The following PLA2R1 variants were observed in gnomAD, a reference collection of about 807,000 sequenced individuals.
PLA2R1 encodes secretory phospholipase A2 receptor.
PLA2R1 carries 158 observed loss-of-function variants against 195.9 expected under a neutral mutation model. The observed-to-expected ratio is 0.81, with a 90% CI of 0.71 to 0.92. PLA2R1 has a LOEUF of 0.92. PLA2R1 is among the 40% of genes least tolerant of loss of function. The pLI is 0.00. For missense variants in PLA2R1, 1,626 were observed against 1,764.6 expected (o/e 0.92, Z 1.41); for synonymous variants, 586 against 598.2 (o/e 0.98, Z 0.30).
Position 159,936,118 on chromosome 2 carries a change from A to G in PLA2R1, c.*5660T>C, listed in dbSNP as rs1236593415. The G allele has an allele frequency of 6.6e-6, 1 of 151,640 alleles. No homozygotes were observed. Among genetic ancestry groups the G allele is most frequent in the Admixed American group, 6.6e-5 (1 of 15,212 alleles). 9.4% of individuals were successfully genotyped at this position (151,640 alleles called of 1,614,324 possible). A position where few individuals can be genotyped will look rare whatever the true frequency, so the allele number is the denominator to read the frequency against. On this transcript the variant is annotated 3_prime_UTR_variant, in exon 30 of 30. Coordinates refer to ENST00000283243, the MANE Select transcript of PLA2R1 (RefSeq NM_007366.5). ...AGGCACCCGCCGCAACACACAGCTA[A>G]TTTTTTTGTATTTTTAGTAGAGACG...
At chr2:159,927,908 G>T (rs1443858443), downstream of PLA2R1, among the ~76,000 whole-genome samples, 2 of 152,158 alleles carry the variant, frequency 1.3e-5, no homozygotes, top group African/African-American at 4.8e-5. Flanking sequence ...TGAAATCAAA[G>T]AATATTTCTA....
intron 1 of PLA2R1, among the ~76,000 whole-genome samples, chr2:160,058,439 T>C (rs1320588230): frequency 6.6e-6 from 1 of 152,128 alleles, no homozygotes; most frequent in Non-Finnish European, 1.5e-5. Context: ...CTTAGGTTCT[T>C]TCCACTCCTG....
At chr2:160,052,858 G>A (rs990484029) in intron 1 of PLA2R1, among the ~76,000 whole-genome samples, 2 of 152,132 alleles carry the variant, frequency 1.3e-5, no homozygotes, top group Non-Finnish European at 2.9e-5. Flanking sequence ...CATCTTAGCC[G>A]CCTTGGGAGT....
intron 4 of PLA2R1, among the ~76,000 whole-genome samples, chr2:160,030,407 G>A (rs1318808683): frequency 6.6e-6 from 1 of 152,194 alleles, no homozygotes; most frequent in East Asian, 1.9e-4. Context: ...GAAGTGAAAT[G>A]GATTGACAGG....
intron 1 of PLA2R1, among the ~76,000 whole-genome samples, chr2:160,052,473 T>C (rs1695271588): frequency 6.6e-6 from 1 of 152,264 alleles, no homozygotes; most frequent in South Asian, 2.1e-4. Context: ...TTGAAAACAT[T>C]TTTCTTCCTT....
At chr2:159,977,461 C>T (rs1689651371) in intron 14 of PLA2R1, 45 bp from the exon 15 acceptor site, 1 of 1,593,274 alleles carries the variant, frequency 6.3e-7, no homozygotes, top group African/African-American at 1.3e-5. Context: ...GATCCCCCCA[C>T]AAAGTTTCAA....
At chr2:160,045,697 T>G (rs1251882816) in intron 1 of PLA2R1, among the ~76,000 whole-genome samples, 1 of 152,198 alleles carries the variant, frequency 6.6e-6, no homozygotes, top group Non-Finnish European at 1.5e-5. Flanking sequence ...GATTCAATAC[T>G]GGTCAGAATA....
Position 160,016,550 on chromosome 2 carries a change from T to C in PLA2R1, c.1551+64A>G, listed in dbSNP as rs16844686. 4.1e-3 allele frequency: 3,155 copies of C among 772,008 alleles called. 74 individuals carry two copies. In the African/African-American group the frequency reaches 0.046, roughly 11 times the overall value. 47.8% of individuals were successfully genotyped at this position (772,008 alleles called of 1,614,324 possible). On this transcript the variant is annotated intron_variant, in intron 9 of 29. Coordinates refer to ENST00000283243, the MANE Select transcript of PLA2R1 (RefSeq NM_007366.5). ...GAAAGAGAAATTCACTTCAAATTGA[T>C]GGTGGAATTGATATTCTAGCTATGA...
intron 10 of PLA2R1, among the ~76,000 whole-genome samples, chr2:160,009,982 T>C (rs960913089): frequency 3.1e-4 from 47 of 152,032 alleles, no homozygotes; most frequent in African/African-American, 9.9e-4. Flanking sequence ...TGGTGGTACA[T>C]GCCTGTAGTC....
chr2:160,050,392 T>G (rs1222711138), intron 1 of PLA2R1, among the ~76,000 whole-genome samples: 1 of 152,026 alleles, frequency 6.6e-6, no homozygotes, highest in Non-Finnish European at 1.5e-5. Flanking sequence ...AACCGTGAAC[T>G]TCAGAGCTGG....
intron 3 of PLA2R1, among the ~76,000 whole-genome samples, chr2:160,039,785 C>T (rs576579967): frequency 1.3e-5 from 2 of 152,072 alleles, no homozygotes; most frequent in East Asian, 3.9e-4. Flanking sequence ...GGCAGGCTGT[C>T]AAGCAGAGGA....
chr2:160,007,878 T>C (rs1028691773), intron 10 of PLA2R1, among the ~76,000 whole-genome samples: 1 of 152,212 alleles, frequency 6.6e-6, no homozygotes, highest in African/African-American at 2.4e-5. Context: ...TTTTCAAAAA[T>C]AGAAAAGTTC....
At chr2:160,013,703 GTCTCTCTCTCTCTC>G (rs879130648) in intron 9 of PLA2R1, among the ~76,000 whole-genome samples, 1,218 of 96,206 alleles carry the variant, frequency 0.013, 16 homozygotes, top group African/African-American at 0.032. Context: ...CTCTCTCTCT[GTCTCTCTCTCTCTC>G]TCTCTGTGTG....
At chr2:160,018,602 A>G (rs1692912258) in intron 8 of PLA2R1, among the ~76,000 whole-genome samples, 1 of 151,542 alleles carries the variant, frequency 6.6e-6, no homozygotes, top group Non-Finnish European at 1.5e-5. Context: ...ACTGCACTCC[A>G]GCCTGGGTGA....
rs1369546490 is a variant in PLA2R1 at position 160,045,007 on chromosome 2, C to A, written c.260G>T (p.Ser87Ile). 1 of 1,614,046 alleles carries A rather than the reference C, an allele frequency of 6.2e-7. No individual in the cohort carries two copies. Among genetic ancestry groups the A allele is most frequent in the Non-Finnish European group, 8.5e-7 (1 of 1,179,860 alleles). Reference sequence around the variant, plus strand: ...GGAGAAATTCAGGCCCAGGCAACCACTGCCTCCTATGTTAAAGAGGCCATG... The same window carrying A: ...GGAGAAATTCAGGCCCAGGCAACCAATGCCTCCTATGTTAAAGAGGCCATG... ...SNHGLFNIGG[S>I]GCLGLNFSAP... Residue 87 changes from serine (S) to isoleucine (I), a missense_variant, in exon 2 of 30, where the codon AGT (serine) becomes ATT (isoleucine). Ser to Ile is a moderately radical substitution (Grantham distance 142, BLOSUM62 -2). Transcript: ENST00000283243.
intron 18 of PLA2R1, 80 bp downstream of exon 18, chr2:159,970,068 G>A: frequency 1.1e-6 from 1 of 891,578 alleles, no homozygotes; most frequent in South Asian, 1.4e-5. Context: ...TCAACAAATT[G>A]ATCACTAAAA....
At position 160,020,279 on chromosome 2, in the gene PLA2R1, G is replaced by A; in HGVS notation, c.1295-16C>T. 1 of 1,589,688 alleles carries A rather than the reference G, an allele frequency of 6.3e-7. No individual in the cohort carries two copies. Among genetic ancestry groups the A allele is most frequent in the Non-Finnish European group, 8.6e-7 (1 of 1,162,684 alleles). Reference sequence around the variant, plus strand: ...GATGCATTTTCTGTAAGAGATAAATGTAAATTACTTATGGGATCCTATTAT... The same window carrying A: ...GATGCATTTTCTGTAAGAGATAAATATAAATTACTTATGGGATCCTATTAT... On this transcript the variant is annotated splice_polypyrimidine_tract_variant and intron_variant, in intron 7 of 29. Coordinates refer to ENST00000283243, the MANE Select transcript of PLA2R1 (RefSeq NM_007366.5).
intron 23 of PLA2R1, among the ~76,000 whole-genome samples, chr2:159,952,362 T>C (rs1399899192): frequency 6.6e-6 from 1 of 152,196 alleles, no homozygotes; most frequent in African/African-American, 2.4e-5. Context: ...ATGTTCTATA[T>C]GTACTAGGAT....
chr2:159,986,857 G>C (rs1690380069), intron 12 of PLA2R1, among the ~76,000 whole-genome samples: 1 of 152,190 alleles, frequency 6.6e-6, no homozygotes, highest in African/African-American at 2.4e-5. Context: ...AAAGTGCTGG[G>C]ATTACAGGCG....
Sources: gnomAD v4.1 joint callset for allele counts (sites outside exome capture counted in the v4.1 genomes callset) on GRCh38, gnomAD v4.1.1 for gene constraint, MANE v1.5 for transcripts, NCBI Gene and HGNC (gene_info 2026-07-23, HGNC 2026-07-21) for gene names.